QKI: variants seen among roughly 807,000 people sequenced by gnomAD.
QKI encodes the protein QKI, KH domain containing RNA binding, also known as KH domain-containing RNA-binding protein QKI.
Under a neutral mutation model 39.0 loss-of-function variants are expected in QKI, and 10 were observed. The ratio of observed to expected loss-of-function variants is 0.26; its 90% CI spans 0.16 to 0.43. The LOEUF is 0.43. Among genes scored for constraint, QKI ranks in the 20% least tolerant of loss-of-function variants. QKI has a pLI of 1.00. For missense variants in QKI, 218 were observed against 428.0 expected (o/e 0.51, Z 4.33); for synonymous variants, 204 against 155.4 (o/e 1.31, Z -2.33).
chr6:163,494,251 T>C (rs375557588), intron 3 of QKI, among the ~76,000 whole-genome samples: 7 of 152,340 alleles, frequency 4.6e-5, no homozygotes, highest in African/African-American at 1.7e-4. Flanking sequence ...AATCTAGTGA[T>C]TAAAGTATAT....
chr6:163,455,520 T>TA, intron 2 of QKI, 99 bp downstream of exon 2: 3 of 1,204,374 alleles, frequency 2.5e-6, no homozygotes, highest in South Asian at 1.6e-5. Context: ...TTAGCCACTT[T>TA]AAAAAAATGC....
intron 3 of QKI, among the ~76,000 whole-genome samples, chr6:163,528,067 C>G (rs921856141): frequency 1.3e-5 from 2 of 152,050 alleles, no homozygotes; most frequent in Admixed American, 6.6e-5. Context: ...TCTCCCAGTT[C>G]TTGACATTAT....
Position 163,576,946 on chromosome 6 carries a change from A to G in QKI, c.*6236A>G, listed in dbSNP as rs1330595749. On this transcript the variant is annotated 3_prime_UTR_variant, in exon 8 of 8. Coordinates refer to ENST00000361752, the MANE Select transcript of QKI (RefSeq NM_006775.3). The stretch of plus-strand genomic sequence containing the variant: ...TGTTCCATAGTTGGACTGTGCATCC[A>G]AAACATTTTTTTATCTTTAATAAAT... 6.6e-6 allele frequency: 1 copy of G among 152,222 alleles called. No individual in the cohort carries two copies. The highest frequency in any genetic ancestry group is 1.5e-5 in the Non-Finnish European group (1 of 68,032). 9.4% of individuals were successfully genotyped at this position (152,222 alleles called of 1,614,324 possible). A position where few individuals can be genotyped will look rare whatever the true frequency, so the allele number is the denominator to read the frequency against.
At chr6:163,431,392 A>C (rs1306085361) in intron 1 of QKI, among the ~76,000 whole-genome samples, 5 of 152,208 alleles carry the variant, frequency 3.3e-5, no homozygotes, top group Admixed American at 3.3e-4. Context: ...AATAAAAAAA[A>C]TTAACATAGA....
chr6:163,517,060 T>TCTCA (rs1779852277), intron 3 of QKI, among the ~76,000 whole-genome samples: 2 of 139,868 alleles, frequency 1.4e-5, no homozygotes, highest in Non-Finnish European at 3.1e-5. Flanking sequence ...ACACACTCAC[T>TCTCA]CTCTCTCTCT....
At chr6:163,501,514 G>A (rs1778762732) in intron 3 of QKI, among the ~76,000 whole-genome samples, 1 of 152,160 alleles carries the variant, frequency 6.6e-6, no homozygotes, top group Non-Finnish European at 1.5e-5. Context: ...TCATCTTACG[G>A]GGAGGAGGGA....
At chr6:163,488,038 A>C (rs1372356822) in intron 3 of QKI, among the ~76,000 whole-genome samples, 1 of 152,178 alleles carries the variant, frequency 6.6e-6, no homozygotes, top group Non-Finnish European at 1.5e-5. Context: ...GACTGAAAGA[A>C]TGAGTGTTTC....
intron 3 of QKI, among the ~76,000 whole-genome samples, chr6:163,533,043 A>G (rs2092406): frequency 0.84 from 127,492 of 151,880 alleles, 54,086 homozygotes; most frequent in East Asian, 1. Flanking sequence ...TTGCCTGGAA[A>G]CAGAAGTCCC....
rs147764845 is a variant in QKI, at chr6:163,432,599, C to A, written c.142+17264C>A. 1.5e-4 allele frequency among the ~76,000 whole-genome samples: 23 copies of A among 152,122 alleles called. No homozygotes were observed. The East Asian group carries it at 4.3e-3, about 28-fold the overall frequency. On this transcript the variant is annotated intron_variant, in intron 1 of 7. Transcript: ENST00000361752. ...TTTTTTGGTAAGAGACAGGGTCTCA[C>A]GATATTGCCCAGCCTGGTCTTAAAC...
At chr6:163,443,299 A>G (rs5008180) in intron 1 of QKI, among the ~76,000 whole-genome samples, 104,293 of 152,158 alleles carry the variant, frequency 0.69, 36,130 homozygotes, top group East Asian at 1. Context: ...CACCGGGTAC[A>G]GTGGCTCACG....
At chr6:163,443,701 TGTTTATGGTATTAAGGTGATACTGAG>T (rs1789926853) in intron 1 of QKI, among the ~76,000 whole-genome samples, 1 of 152,260 alleles carries the variant, frequency 6.6e-6, no homozygotes, top group African/African-American at 2.4e-5. Flanking sequence ...GTATTTGCTT[TGTTTATGGTATTAAGGTGATACTGAG>T]GTAAACCTAT....
intron 4 of QKI, among the ~76,000 whole-genome samples, chr6:163,536,107 A>C (rs1290115925): frequency 6.6e-6 from 1 of 152,080 alleles, no homozygotes; most frequent in Non-Finnish European, 1.5e-5. Flanking sequence ...ATTTCCCATT[A>C]ACTTGATGAA....
At chr6:163,448,441 C>G (rs1401944326) in intron 1 of QKI, among the ~76,000 whole-genome samples, 1 of 149,796 alleles carries the variant, frequency 6.7e-6, no homozygotes, top group Non-Finnish European at 1.5e-5. Context: ...ATAGTCTGTA[C>G]TCTAGGCTAG....
chr6:163,469,881 C>T (rs1190073721), intron 2 of QKI, among the ~76,000 whole-genome samples: 1 of 152,118 alleles, frequency 6.6e-6, no homozygotes, highest in African/African-American at 2.4e-5. Context: ...CTCATTTCAA[C>T]ATTGTTACAC....
At chr6:163,547,040 TA>T (rs1322851988) in intron 4 of QKI, among the ~76,000 whole-genome samples, 2 of 152,134 alleles carry the variant, frequency 1.3e-5, no homozygotes, top group African/African-American at 4.8e-5. Flanking sequence ...TTATTTTTAG[TA>T]ACCTTCTTTG....
chr6:163,564,162 A>G, intron 6 of QKI: 1 of 1,023,188 alleles, frequency 9.8e-7, no homozygotes, highest in Non-Finnish European at 1.2e-6. Context: ...TATAAAATTC[A>G]TATTATTGTG....
At chr6:163,522,700 G>A (rs374633261) in intron 3 of QKI, among the ~76,000 whole-genome samples, 7 of 152,098 alleles carry the variant, frequency 4.6e-5, no homozygotes, top group South Asian at 2.1e-4. Flanking sequence ...TTTCCTTGCC[G>A]AGGTTCTCAA....
chr6:163,418,548 A>G (rs1454133279), intron 1 of QKI, among the ~76,000 whole-genome samples: 2 of 152,106 alleles, frequency 1.3e-5, no homozygotes, highest in African/African-American at 4.8e-5. Context: ...AAGTATCTTC[A>G]ACACGGTTGT....
intron 3 of QKI, among the ~76,000 whole-genome samples, chr6:163,526,591 T>C (rs567489305): frequency 6.6e-6 from 1 of 152,354 alleles, no homozygotes; most frequent in East Asian, 1.9e-4. Flanking sequence ...CCACTATTTT[T>C]GTTAAATATT....
Sources: allele counts gnomAD v4.1 joint callset (sites outside exome capture counted in the v4.1 genomes callset), GRCh38; gene constraint gnomAD v4.1.1; transcripts MANE v1.5; gene names NCBI Gene and HGNC (gene_info 2026-07-23, HGNC 2026-07-21).